The following DSC1 variants were observed in gnomAD, a reference collection of about 807,000 sequenced individuals.
DSC1 encodes desmocollin-1.
DSC1 carries 79 observed loss-of-function variants against 98.8 expected under a neutral mutation model. The observed-to-expected ratio is 0.80, with a 90% confidence interval of 0.67 to 0.96. The LOEUF (loss-of-function observed/expected upper bound fraction) is 0.96. DSC1 is among the 50% of genes least tolerant of loss of function. The pLI is 0.00. For synonymous variants in DSC1, 405 were observed against 372.1 expected (o/e 1.09, Z -1.02); for missense variants, 1,115 against 1,075.9 (o/e 1.04, Z -0.51).
chr18:31,141,773 G>T (rs1404719778), intron 9 of DSC1, among the ~76,000 whole-genome samples: 1 of 152,008 alleles, frequency 6.6e-6, no homozygotes, highest in Non-Finnish European at 1.5e-5. Flanking sequence ...CTCTGTCTTG[G>T]TTTTCTTCAT....
intron 9 of DSC1, 116 bp from the exon 10 acceptor site, chr18:31,140,417 A>C (rs1377120699): frequency 8.5e-7 from 1 of 1,173,078 alleles, no homozygotes; most frequent in Non-Finnish European, 1.2e-6. Context: ...ACCTAAAGTT[A>C]GGTCTAATAC....
intron 11 of DSC1, among the ~76,000 whole-genome samples, chr18:31,139,206 C>A (rs1988676903): frequency 6.6e-6 from 1 of 152,016 alleles, no homozygotes; most frequent in African/African-American, 2.4e-5. Flanking sequence ...AGAATTGATT[C>A]TAAAATTGAC....
chr18:31,132,657 T>C lies in DSC1; in HGVS notation c.2149A>G (p.Lys717Glu), dbSNP rs1023181931. The C allele has an allele frequency of 1.9e-6, 3 of 1,613,228 alleles. No individual in the cohort carries two copies. In the African/African-American group the frequency reaches 4.0e-5, roughly 22 times the overall value. ...GGAAAACATTTCTTGACTGTTCTCT[T>C]AGCAGTGACACAGAAACATGTAAAC... ...ILFTCFCVTA[K>E]RTVKKCFPED... is the part of the protein sequence containing the mutation. The change falls in exon 14 of 16, where the codon AAG (lysine) becomes GAG (glutamate). Residue 717 changes from lysine (K) to glutamate (E), a missense_variant. Physicochemically the swap from Lys to Glu is moderately conservative, Grantham distance 56. Coordinates refer to ENST00000257198, the MANE Select transcript of DSC1 (RefSeq NM_024421.2).
chr18:31,149,601 C>T (rs1988918311), intron 5 of DSC1, among the ~76,000 whole-genome samples: 1 of 152,176 alleles, frequency 6.6e-6, no homozygotes, highest in African/African-American at 2.4e-5. Context: ...TTCTGACATT[C>T]CCTGTTCTAA....
chr18:31,132,297 G>A (rs903354216), intron 14 of DSC1: 4 of 364,926 alleles, frequency 1.1e-5, no homozygotes, highest in African/African-American at 4.2e-5. Flanking sequence ...GAGGGAGCAC[G>A]GACCTGCCAA....
intron 3 of DSC1, 40 bp from the exon 4 acceptor site, chr18:31,156,202 T>A (rs1989095274): frequency 6.3e-7 from 1 of 1,591,154 alleles, no homozygotes; most frequent in African/African-American, 1.4e-5. Flanking sequence ...GCATTGCTTA[T>A]CATTTTTTGG....
intron 1 of DSC1, among the ~76,000 whole-genome samples, chr18:31,162,024 T>A (rs970408096): frequency 2.0e-5 from 3 of 152,192 alleles, no homozygotes; most frequent in African/African-American, 7.2e-5. Flanking sequence ...ATATTTTCAA[T>A]GACAGTCACA....
At chr18:31,138,518 C>A (rs7233226) in intron 11 of DSC1, among the ~76,000 whole-genome samples, 21,004 of 151,698 alleles carry the variant, frequency 0.14, 3,223 homozygotes, top group African/African-American at 0.38. Context: ...AGACAAACCA[C>A]CAGTTGGGGA....
rs146414667 is a variant in DSC1 at position 31,131,631 on chromosome 18, G to A, written c.2450C>T (p.Thr817Met). The A allele has an allele frequency of 9.9e-5, 159 of 1,614,042 alleles. 1 individual carries two copies. The highest frequency in any genetic ancestry group is 5.9e-4 in the African/African-American group (44 of 75,012). The change falls in exon 15 of 16, where the codon ACG (threonine) becomes ATG (methionine). Residue 817 changes from threonine to methionine, a missense_variant. Coordinates refer to ENST00000257198, the MANE Select transcript of DSC1 (RefSeq NM_024421.2). ...AGGTTGGGTGAAACTCTGCCAGTCC[G>A]TGTACGCATATCTGCCAGTATCTCC... ...GQGDTGRYAY[T>M]DWQSFTQPRL...
intron 7 of DSC1, among the ~76,000 whole-genome samples, chr18:31,144,708 T>C (rs7238483): frequency 0.29 from 44,335 of 151,706 alleles, 7,591 homozygotes; most frequent in East Asian, 0.56. Flanking sequence ...ATGATGAATG[T>C]GTGTCTTTAC....
intron 6 of DSC1, among the ~76,000 whole-genome samples, chr18:31,147,902 G>T (rs543443840): frequency 7.9e-5 from 12 of 152,132 alleles, no homozygotes; most frequent in Admixed American, 1.3e-4. Flanking sequence ...TGAAGGAAAA[G>T]TTGAATTTTT....
intron 12 of DSC1, 152 bp downstream of exon 12, chr18:31,134,420 C>T (rs1988563499): frequency 2.5e-6 from 2 of 790,826 alleles, no homozygotes; most frequent in South Asian, 2.0e-5. Context: ...CACAATGGCA[C>T]TAATTTTTTT....
intron 11 of DSC1, among the ~76,000 whole-genome samples, chr18:31,135,900 A>G (rs1205156861): frequency 6.6e-6 from 1 of 152,140 alleles, no homozygotes; most frequent in Non-Finnish European, 1.5e-5. Flanking sequence ...TATCATAAAG[A>G]CTACTATAAC....
intron 11 of DSC1, among the ~76,000 whole-genome samples, chr18:31,135,477 G>A (rs1174179451): frequency 6.6e-6 from 1 of 152,114 alleles, no homozygotes; most frequent in South Asian, 2.1e-4. Context: ...GATTTGCCCA[G>A]TATTTCCCAG....
Position 31,140,175 on chromosome 18 carries a change from T to C in DSC1, c.1387A>G (p.Ile463Val). ...MCTTTVTVKI[I>V]DSDEGPECHP... The stretch of plus-strand genomic sequence containing the variant: ...CATTCAGGGCCCTCATCACTGTCTA[T>C]AATTTTAACGGTGACAGTTGTAGTG... Residue 463 changes from isoleucine to valine, a missense_variant, in exon 10 of 16, where the codon ATA becomes GTA. Ile to Val is a conservative substitution (Grantham distance 29). Coordinates refer to ENST00000257198, the MANE Select transcript of DSC1 (RefSeq NM_024421.2). 2 of 1,614,064 alleles carry C rather than the reference T, an allele frequency of 1.2e-6. No homozygotes were observed. The highest frequency in any genetic ancestry group is 1.7e-6 in the Non-Finnish European group (2 of 1,179,954).
rs541964883 is a variant in DSC1, at chr18:31,151,998, C to T, written c.627+2776G>A. 4.9e-4 allele frequency among the ~76,000 whole-genome samples: 74 copies of T among 151,936 alleles called. 1 individual carries two copies. Among genetic ancestry groups the T allele is most frequent in the African/African-American group, 1.6e-3 (65 of 41,432 alleles). ...CGAACATGGTGGAACCCTGTCTCTA[C>T]GAAAAATACAAAGATTAGCTGGGCG... On this transcript the variant is annotated intron_variant, in intron 5 of 15. Coordinates refer to ENST00000257198, the MANE Select transcript of DSC1 (RefSeq NM_024421.2).
intron 11 of DSC1, among the ~76,000 whole-genome samples, chr18:31,135,633 G>T (rs558374104): frequency 6.6e-6 from 1 of 152,164 alleles, no homozygotes; most frequent in South Asian, 2.1e-4. Context: ...GAACTGTCTC[G>T]TACTCATCTG....
In DSC1 at chr18:31,143,751, A is replaced by G. The variant is rs1401225129; in HGVS notation, c.980T>C (p.Met327Thr). ...AAATAAACCGAAAGGCTGACCACCC[A>G]TGTCTCGCACTTCCATTATTAACTG... ...TYQLIMEVRD[M>T]GGQPFGLFNT... The change falls in exon 8 of 16, where the codon ATG (methionine) becomes ACG (threonine). Residue 327 changes from methionine (M) to threonine (T), a missense_variant. Transcript: ENST00000257198. The G allele has an allele frequency of 1.9e-6, 3 of 1,603,294 alleles. No homozygotes were observed. The South Asian group carries it at 3.4e-5, about 18-fold the overall frequency.
intron 11 of DSC1, among the ~76,000 whole-genome samples, chr18:31,136,388 A>T (rs1353049652): frequency 6.6e-6 from 1 of 152,216 alleles, no homozygotes; most frequent in Admixed American, 6.5e-5. Context: ...ACACTTTAAA[A>T]ATCCAAAAAA....
Sources: gnomAD v4.1 joint callset for allele counts (sites outside exome capture counted in the v4.1 genomes callset) on GRCh38, gnomAD v4.1.1 for gene constraint, MANE v1.5 for transcripts, NCBI Gene and HGNC (gene_info 2026-07-23, HGNC 2026-07-21) for gene names.